PRUNE2: variants seen among roughly 807,000 people sequenced by gnomAD.
PRUNE2 encodes the protein prune homolog 2 with BCH domain, also known as protein prune homolog 2.
In PRUNE2, 164 loss-of-function variants were observed where a neutral mutation model predicts 252.0. The observed-to-expected ratio is 0.65, with a 90% CI of 0.57 to 0.74. PRUNE2 has a LOEUF of 0.74. Among genes scored for constraint, PRUNE2 ranks in the 30% least tolerant of loss-of-function variants. The probability of loss-of-function intolerance (pLI) is 0.00; values close to 1 mark genes in which losing one functional copy is unlikely to be tolerated. For missense variants in PRUNE2, 3,495 were observed against 3,711.0 expected (o/e 0.94, Z 1.51); for synonymous variants, 1,292 against 1,350.2 (o/e 0.96, Z 0.94).
chr9:76,639,909 G>T (rs113173089), intron 12 of PRUNE2, among the ~76,000 whole-genome samples: 3 of 152,132 alleles, frequency 2.0e-5, no homozygotes, highest in African/African-American at 7.2e-5. Flanking sequence ...TTTTGGAATT[G>T]CCCTGTCTTT....
intron 6 of PRUNE2, among the ~76,000 whole-genome samples, chr9:76,804,548 T>C (rs1469497559): frequency 6.6e-6 from 1 of 152,212 alleles, no homozygotes. Context: ...CTCTGCAAGG[T>C]GTCTTCCATG....
At chr9:76,652,361 A>C in intron 11 of PRUNE2, 122 bp downstream of exon 11, 1 of 728,220 alleles carries the variant, frequency 1.4e-6, no homozygotes. Context: ...TATAACCTGA[A>C]ATAAAAACAG....
intron 1 of PRUNE2, among the ~76,000 whole-genome samples, chr9:76,886,887 T>C (rs1044793209): frequency 2.0e-5 from 3 of 152,198 alleles, no homozygotes; most frequent in African/African-American, 7.2e-5. Context: ...ACTGGTGGTT[T>C]GGGGATTCCC....
chr9:76,683,764 G>A (rs1458707567), intron 9 of PRUNE2, among the ~76,000 whole-genome samples: 1 of 151,758 alleles, frequency 6.6e-6, no homozygotes, highest in Non-Finnish European at 1.5e-5. Context: ...TCATGGGAGG[G>A]GACAGGCCCT....
At chr9:76,855,278 A>T (rs2060194283) in intron 1 of PRUNE2, among the ~76,000 whole-genome samples, 1 of 152,060 alleles carries the variant, frequency 6.6e-6, no homozygotes, top group African/African-American at 2.4e-5. Flanking sequence ...TAAATTAACA[A>T]CTTTACGGTA....
chr9:76,671,188 C>T (rs1454982220), intron 9 of PRUNE2, among the ~76,000 whole-genome samples: 1 of 142,568 alleles, frequency 7.0e-6, no homozygotes, highest in Non-Finnish European at 1.5e-5. Flanking sequence ...CTGGAATAAC[C>T]AATACAGAGA....
intron 1 of PRUNE2, among the ~76,000 whole-genome samples, chr9:76,869,699 G>A (rs1264374557): frequency 6.6e-6 from 1 of 152,182 alleles, no homozygotes; most frequent in Non-Finnish European, 1.5e-5. Flanking sequence ...TATAAACTGA[G>A]TATCATGCTC....
chr9:76,627,918 T>C (rs1233588382), intron 16 of PRUNE2: 1 of 349,654 alleles, frequency 2.9e-6, no homozygotes, highest in South Asian at 2.2e-5. Context: ...TAGACACACA[T>C]TACATGAGAA....
rs542082539 is a variant in PRUNE2 at position 76,754,890 on chromosome 9, C to T, written c.757-41169G>A. On this transcript the variant is annotated intron_variant, in intron 6 of 18. Transcript: ENST00000376718. ...CTGAGGCAGGAGAATCGCTTGAACCCGGGAGGCGGAGGTTGCAGTGAGCCG... is the reference window on the plus strand; with the variant it reads ...CTGAGGCAGGAGAATCGCTTGAACCTGGGAGGCGGAGGTTGCAGTGAGCCG... Among the ~76,000 whole-genome samples, 815 of 136,230 alleles carry T rather than the reference C, an allele frequency of 6.0e-3. 10 individuals carry two copies. The highest frequency in any genetic ancestry group is 0.021 in the African/African-American group (790 of 36,956). The allele number at this position is 136,230 out of a possible 152,430, so 89.4% of individuals were successfully genotyped here.
intron 6 of PRUNE2, among the ~76,000 whole-genome samples, chr9:76,817,483 A>G (rs1183328583): frequency 6.6e-6 from 1 of 152,160 alleles, no homozygotes. Context: ...CATGTGACTG[A>G]GCCAATGAAA....
chr9:76,749,271 G>A (rs1564207993), intron 6 of PRUNE2, among the ~76,000 whole-genome samples: 1 of 152,188 alleles, frequency 6.6e-6, no homozygotes, highest in Admixed American at 6.5e-5. Context: ...AACTCTGACT[G>A]CAGTTCTTTG....
chr9:76,837,896 T>C (rs375508797), intron 4 of PRUNE2, among the ~76,000 whole-genome samples: 3,456 of 151,072 alleles, frequency 0.023, 126 homozygotes, highest in African/African-American at 0.069. Flanking sequence ...CTCAGCCTCC[T>C]GAGTAGCTGG....
intron 10 of PRUNE2, among the ~76,000 whole-genome samples, chr9:76,654,886 GGTGTAAT>G (rs1387533227): frequency 1.3e-5 from 2 of 152,144 alleles, no homozygotes; most frequent in Non-Finnish European, 2.9e-5. Context: ...TCCTGGAGTT[GGTGTAAT>G]GCAAGAGAGT....
intron 1 of PRUNE2, among the ~76,000 whole-genome samples, chr9:76,883,042 T>C (rs1051343781): frequency 2.0e-5 from 3 of 152,206 alleles, no homozygotes; most frequent in African/African-American, 7.2e-5. Flanking sequence ...AACTAGGTGG[T>C]TGCCTTTCCA....
chr9:76,818,681 A>G (rs1350737060), intron 6 of PRUNE2, among the ~76,000 whole-genome samples: 1 of 152,216 alleles, frequency 6.6e-6, no homozygotes, highest in East Asian at 1.9e-4. Flanking sequence ...AAATGCCAAC[A>G]GCTGAAAGTC....
intron 15 of PRUNE2, among the ~76,000 whole-genome samples, chr9:76,630,342 T>C (rs1837020337): frequency 6.6e-6 from 1 of 152,078 alleles, no homozygotes; most frequent in African/African-American, 2.4e-5. Context: ...ATAATTGGAT[T>C]TGAATTACAA....
chr9:76,615,192 C>T (rs7865529), intron 18 of PRUNE2: 134,091 of 984,962 alleles, frequency 0.14, 14,358 homozygotes, highest in African/African-American at 0.53. Context: ...AAAACTCACT[C>T]GAATCACGTC....
intron 6 of PRUNE2, among the ~76,000 whole-genome samples, chr9:76,820,098 T>G (rs903749853): frequency 3.3e-5 from 5 of 152,180 alleles, no homozygotes; most frequent in Admixed American, 1.3e-4. Context: ...TGGAATGGCT[T>G]GGAGGCTGAG....
rs779972264 is a variant in PRUNE2 at position 76,708,411 on chromosome 9, G to A, written c.3863C>T (p.Thr1288Ile). Residue 1288 changes from threonine to isoleucine, a missense_variant, in exon 8 of 19, where the codon ACA (threonine) becomes ATA (isoleucine). Physicochemically the swap from Thr to Ile is moderately conservative, Grantham distance 89. Coordinates refer to ENST00000376718, the MANE Select transcript of PRUNE2 (RefSeq NM_015225.3). ...ATCACTTTGCAGGGTTTCCCTCTCT[G>A]TGTCCTGCTTGTCAAGATGAGATAT... ...ALISHLDKQD[T>I]ERETLQSDAA... is the part of the protein sequence containing the mutation. 1.9e-6 allele frequency: 3 copies of A among 1,613,824 alleles called. No homozygotes were observed. The South Asian group carries it at 3.3e-5, about 18-fold the overall frequency.
Sources: allele counts gnomAD v4.1 joint callset (sites outside exome capture counted in the v4.1 genomes callset), GRCh38; gene constraint gnomAD v4.1.1; transcripts MANE v1.5; gene names NCBI Gene and HGNC (gene_info 2026-07-23, HGNC 2026-07-21).